The following TESC variants were observed in gnomAD, a reference collection of about 807,000 sequenced individuals.
TESC encodes the protein calcineurin B homologous protein 3.
A neutral mutation model predicts 31.0 loss-of-function variants in TESC; 19 were observed. The ratio of observed to expected loss-of-function variants is 0.61; its 90% CI spans 0.43 to 0.90. The LOEUF (loss-of-function observed/expected upper bound fraction) is 0.90. Among genes scored for constraint, TESC ranks in the 40% least tolerant of loss-of-function variants. TESC has a pLI of 0.00. For synonymous variants in TESC, 109 were observed against 114.8 expected, an observed-to-expected ratio of 0.95 and a Z score of 0.32; for missense variants, 248 against 303.8, an observed-to-expected ratio of 0.82 and a Z score of 1.36.
rs566846400 is a variant in TESC, at chr12:117,080,302, T to C, written c.59-4962A>G. On this transcript the variant is annotated intron_variant, in intron 1 of 7. Transcript: ENST00000335209. ...GGCCAACATGGTGAAACCCCATCTC[T>C]ACTAAAAATGCAAAAATCAGCCAGG... Among the ~76,000 whole-genome samples, 4 of 152,188 alleles carry C rather than the reference T, an allele frequency of 2.6e-5. No individual in the cohort carries two copies. The East Asian group carries it at 7.7e-4, about 29-fold the overall frequency.
intron 2 of TESC, among the ~76,000 whole-genome samples, chr12:117,067,302 T>C (rs1023736610): frequency 2.0e-5 from 3 of 152,186 alleles, no homozygotes; most frequent in Non-Finnish European, 4.4e-5. Flanking sequence ...TGGTGTCTCA[T>C]GCCTGTAATC....
intron 1 of TESC, among the ~76,000 whole-genome samples, chr12:117,075,939 A>ATATATATATATGTGTGTGTG (rs1565971757): frequency 9.6e-6 from 1 of 104,016 alleles, no homozygotes; most frequent in African/African-American, 4.8e-5. Flanking sequence ...ATATATATAT[A>ATATATATATATGTGTGTGTG]TGTATATATA....
Position 117,090,057 on chromosome 12 carries a change from A to C in TESC, c.58+9168T>G, listed in dbSNP as rs574864898. Among the ~76,000 whole-genome samples the C allele has an allele frequency of 1.1e-3, 168 of 152,314 alleles. 1 individual carries two copies. The highest frequency in any genetic ancestry group is 1.4e-3 in the Non-Finnish European group (95 of 68,028). ...AAAAACGAATCGCTGAAAAAAAAAA[A>C]ATCCAGCAACCTTATATTTTACACA... On this transcript the variant is annotated intron_variant, in intron 1 of 7. Coordinates refer to ENST00000335209, the MANE Select transcript of TESC (RefSeq NM_017899.4).
chr12:117,072,057 A>T (rs1954981231), intron 2 of TESC, among the ~76,000 whole-genome samples: 1 of 152,138 alleles, frequency 6.6e-6, no homozygotes, highest in Admixed American at 6.5e-5. Flanking sequence ...TTGTAAGCTT[A>T]TGATGGGGTG....
chr12:117,070,025 C>T (rs1954943984), intron 2 of TESC, among the ~76,000 whole-genome samples: 1 of 152,220 alleles, frequency 6.6e-6, no homozygotes, highest in African/African-American at 2.4e-5. Context: ...CAGGGGCCTT[C>T]ACTAGGGAAC....
chr12:117,066,077 T>C (rs1250241967), intron 2 of TESC, among the ~76,000 whole-genome samples: 1 of 151,910 alleles, frequency 6.6e-6, no homozygotes, highest in Non-Finnish European at 1.5e-5. Flanking sequence ...ACCGGCTCCT[T>C]CTCTCCTGGT....
intron 1 of TESC, among the ~76,000 whole-genome samples, chr12:117,086,825 G>A (rs952963732): frequency 6.6e-6 from 1 of 152,188 alleles, no homozygotes; most frequent in Non-Finnish European, 1.5e-5. Context: ...GGTAGGAGAC[G>A]TAGGAGATGC....
At chr12:117,081,600 T>TAG (rs1278054608) in intron 1 of TESC, among the ~76,000 whole-genome samples, 1 of 152,076 alleles carries the variant, frequency 6.6e-6, no homozygotes, top group African/African-American at 2.4e-5. Flanking sequence ...GGTTGCCTGT[T>TAG]TAGAACAGTA....
intron 1 of TESC, among the ~76,000 whole-genome samples, chr12:117,079,193 C>G (rs1443017483): frequency 6.6e-6 from 1 of 152,020 alleles, no homozygotes; most frequent in Non-Finnish European, 1.5e-5. Flanking sequence ...CACTTAACCC[C>G]CAAAACACAC....
In TESC at chr12:117,075,405, G is replaced by A. The variant is rs1260054967; in HGVS notation, c.59-65C>T. 5 of 1,563,830 alleles carry A rather than the reference G, an allele frequency of 3.2e-6. No individual in the cohort carries two copies. In the South Asian group the frequency reaches 3.4e-5, roughly 10 times the overall value. ...AAAAATCACTGACTGTCAGAGGGAGGCTGCAGATATTCTTTTGCCCCATCC... is the reference window on the plus strand; with the variant it reads ...AAAAATCACTGACTGTCAGAGGGAGACTGCAGATATTCTTTTGCCCCATCC... On this transcript the variant is annotated intron_variant, in intron 1 of 7. Transcript: ENST00000335209.
In TESC at chr12:117,075,917, G is replaced by A. The variant is rs1182632193; in HGVS notation, c.59-577C>T. ...TATATATATATATATATATATATGT[G>A]TGTGTGTATATATATATATATATGT... On this transcript the variant is annotated intron_variant, in intron 1 of 7. Coordinates refer to ENST00000335209, the MANE Select transcript of TESC (RefSeq NM_017899.4). Among the ~76,000 whole-genome samples the A allele has an allele frequency of 3.3e-3, 252 of 76,794 alleles. 6 individuals are homozygous for A. The highest frequency in any genetic ancestry group is 0.016 in the African/African-American group (222 of 13,954). 50.4% of individuals were successfully genotyped at this position (76,794 alleles called of 152,430 possible).
intron 4 of TESC, among the ~76,000 whole-genome samples, chr12:117,047,192 A>C (rs955485058): frequency 6.6e-6 from 1 of 152,240 alleles, no homozygotes; most frequent in Non-Finnish European, 1.5e-5. Context: ...ACACAAGTCA[A>C]ACGGTGTCGA....
chr12:117,099,089 A>C, intron 1 of TESC, 136 bp downstream of exon 1: 1 of 925,994 alleles, frequency 1.1e-6, no homozygotes, highest in Non-Finnish European at 1.5e-6. Flanking sequence ...CCCATTTGAA[A>C]GAGGAGGAGA....
At chr12:117,097,471 T>C (rs1955410669) in intron 1 of TESC, among the ~76,000 whole-genome samples, 1 of 151,928 alleles carries the variant, frequency 6.6e-6, no homozygotes, top group Admixed American at 6.6e-5. Flanking sequence ...AGCCCACCCT[T>C]CCAACGGGGA....
chr12:117,079,738 C>A (rs1372149661), intron 1 of TESC, among the ~76,000 whole-genome samples: 1 of 152,040 alleles, frequency 6.6e-6, no homozygotes, highest in Admixed American at 6.6e-5. Context: ...AGAGGGAGAA[C>A]AGGGAGACAC....
intron 2 of TESC, among the ~76,000 whole-genome samples, chr12:117,068,566 A>G (rs1020241491): frequency 6.6e-6 from 1 of 152,134 alleles, no homozygotes; most frequent in African/African-American, 2.4e-5. Context: ...GAAGGAAGAA[A>G]AACAGGACCT....
At chr12:117,060,059 C>T (rs770059846) in intron 2 of TESC, among the ~76,000 whole-genome samples, 2 of 152,140 alleles carry the variant, frequency 1.3e-5, no homozygotes, top group African/African-American at 2.4e-5. Context: ...GGGCTGGGGA[C>T]GGGGTGATGG....
chr12:117,094,579 T>C (rs982630896), intron 1 of TESC, among the ~76,000 whole-genome samples: 7 of 152,110 alleles, frequency 4.6e-5, no homozygotes, highest in African/African-American at 1.7e-4. Flanking sequence ...AAGTATAACA[T>C]GGTGTGATGC....
At chr12:117,065,588 A>T (rs1954866423) in intron 2 of TESC, among the ~76,000 whole-genome samples, 1 of 152,068 alleles carries the variant, frequency 6.6e-6, no homozygotes, top group Non-Finnish European at 1.5e-5. Context: ...TCCTGGGAGG[A>T]CATACAGATG....
Sources: gnomAD v4.1 joint callset for allele counts (sites outside exome capture counted in the v4.1 genomes callset) on GRCh38, gnomAD v4.1.1 for gene constraint, MANE v1.5 for transcripts, NCBI Gene and HGNC (gene_info 2026-07-23, HGNC 2026-07-21) for gene names.